The following CCSER1 variants were observed in gnomAD, a reference collection of about 807,000 sequenced individuals.
CCSER1 encodes serine-rich coiled-coil domain-containing protein 1.
Under a neutral mutation model 82.0 loss-of-function variants are expected in CCSER1, and 41 were observed. That is an observed-to-expected ratio of 0.50 (90% CI 0.39 to 0.65). CCSER1 has a LOEUF of 0.65. Among genes scored for constraint, CCSER1 ranks in the 30% least tolerant of loss-of-function variants. The probability of loss-of-function intolerance (pLI) is 0.00; values close to 1 mark genes in which losing one functional copy is unlikely to be tolerated. For missense variants in CCSER1, 1,119 were observed against 1,064.2 expected (o/e 1.05, Z -0.72); for synonymous variants, 414 against 383.9 (o/e 1.08, Z -0.92).
intron 3 of CCSER1, among the ~76,000 whole-genome samples, chr4:90,398,828 A>G (rs1294523676): frequency 5.3e-5 from 8 of 152,138 alleles, no homozygotes; most frequent in Non-Finnish European, 1.0e-4. Context: ...TGCACTATTC[A>G]TGGATCCCAC....
chr4:91,438,816 G>A (rs1032527032), intron 10 of CCSER1, among the ~76,000 whole-genome samples: 6 of 152,168 alleles, frequency 3.9e-5, no homozygotes, highest in African/African-American at 1.2e-4. Flanking sequence ...ACCAAGGCTC[G>A]AGAACTACGT....
At chr4:91,482,140 C>T (rs1392555315) in intron 10 of CCSER1, among the ~76,000 whole-genome samples, 33 of 151,474 alleles carry the variant, frequency 2.2e-4, no homozygotes, top group African/African-American at 6.5e-4. Context: ...CGGTGGCTCA[C>T]GCCTGTAATC....
intron 8 of CCSER1, among the ~76,000 whole-genome samples, chr4:90,898,887 TG>T (rs1418093601): frequency 3.0e-5 from 4 of 135,094 alleles, no homozygotes; most frequent in African/African-American, 5.0e-5. Flanking sequence ...GTACTGTCTC[TG>T]GTTTTGTTTT....
chr4:90,215,807 T>C (rs920998419), intron 1 of CCSER1, among the ~76,000 whole-genome samples: 5 of 152,094 alleles, frequency 3.3e-5, no homozygotes, highest in Admixed American at 2.0e-4. Context: ...GAACCCCAGA[T>C]CTAATCTTTG....
chr4:90,352,944 A>G (rs1743758311), intron 3 of CCSER1, among the ~76,000 whole-genome samples: 1 of 152,072 alleles, frequency 6.6e-6, no homozygotes, highest in Non-Finnish European at 1.5e-5. Flanking sequence ...GTGATTGTTT[A>G]CCCAGTATTG....
chr4:90,979,731 C>G (rs1041042310), intron 9 of CCSER1, among the ~76,000 whole-genome samples: 2 of 151,762 alleles, frequency 1.3e-5, no homozygotes, highest in Non-Finnish European at 2.9e-5. Context: ...GCCATTGGAG[C>G]CTCTATTTGT....
chr4:91,296,479 A>ATT lies in CCSER1; in HGVS notation c.2217+210486_2217+210487insTT, dbSNP rs1553921458. Among the ~76,000 whole-genome samples the ATT allele has an allele frequency of 1.4e-3, 145 of 105,396 alleles. 1 individual carries two copies. Among genetic ancestry groups the ATT allele is most frequent in the African/African-American group, 3.2e-3 (70 of 21,770 alleles). The allele number at this position is 105,396 out of a possible 152,430, so 69.1% of individuals were successfully genotyped here. A position where few individuals can be genotyped will look rare whatever the true frequency, so the allele number is the denominator to read the frequency against. On this transcript the variant is annotated intron_variant, in intron 10 of 10. Coordinates refer to ENST00000509176, the MANE Select transcript of CCSER1 (RefSeq NM_001145065.2). ...TATATATATATATGTATATATATATATATATATTTTAATTAAATATACAGT... is the reference window on the plus strand; with the variant it reads ...TATATATATATATGTATATATATATATTTATATATTTTAATTAAATATACAGT...
At chr4:90,140,726 G>A (rs1219484021) in intron 1 of CCSER1, among the ~76,000 whole-genome samples, 1 of 133,686 alleles carries the variant, frequency 7.5e-6, no homozygotes, top group Non-Finnish European at 1.5e-5. Context: ...GTGCTGTGGT[G>A]CGATCTTGGC....
intron 10 of CCSER1, among the ~76,000 whole-genome samples, chr4:91,333,862 G>A (rs917829678): frequency 2.6e-5 from 4 of 151,910 alleles, no homozygotes; most frequent in Non-Finnish European, 5.9e-5. Context: ...TTTTTGGATT[G>A]ACTTATGTCT....
intron 5 of CCSER1, among the ~76,000 whole-genome samples, chr4:90,536,886 A>T (rs1434995339): frequency 6.6e-6 from 1 of 152,194 alleles, no homozygotes; most frequent in Non-Finnish European, 1.5e-5. Flanking sequence ...AGAATTTCCA[A>T]AGTCCCTAGG....
At chr4:90,286,168 GCCTCT>G (rs1172694546) in intron 1 of CCSER1, among the ~76,000 whole-genome samples, 1 of 151,824 alleles carries the variant, frequency 6.6e-6, no homozygotes, top group East Asian at 1.9e-4. Context: ...TTTGGAAATA[GCCTCT>G]CCTCCTCAAC....
intron 10 of CCSER1, among the ~76,000 whole-genome samples, chr4:91,386,994 C>T (rs963360671): frequency 7.2e-5 from 11 of 151,856 alleles, no homozygotes; most frequent in East Asian, 1.9e-4. Flanking sequence ...ACATAATCCT[C>T]GACAGGATCC....
At chr4:90,451,148 G>A (rs1342005118) in intron 4 of CCSER1, among the ~76,000 whole-genome samples, 1 of 152,112 alleles carries the variant, frequency 6.6e-6, no homozygotes, top group African/African-American at 2.4e-5. Flanking sequence ...TATACCCGCT[G>A]GGTGACAGCT....
chr4:91,345,855 A>G (rs1372284165), intron 10 of CCSER1, among the ~76,000 whole-genome samples: 1 of 152,102 alleles, frequency 6.6e-6, no homozygotes, highest in Non-Finnish European at 1.5e-5. Context: ...CTCATGCCCC[A>G]CAAACTCCTG....
At chr4:90,406,788 T>TAA (rs1173435957) in intron 4 of CCSER1, among the ~76,000 whole-genome samples, 2 of 152,124 alleles carry the variant, frequency 1.3e-5, no homozygotes, top group Non-Finnish European at 2.9e-5. Context: ...AGATGGAACT[T>TAA]AAAAAATTAT....
Position 91,013,825 on chromosome 4 carries a change from G to T in CCSER1, c.2173-72125G>T, listed in dbSNP as rs1307592940. ...TTTAGTAGAGATGGGGTTTTACTGTGTTAGCCAGGATGGTCTGAATCTCCT... is the reference window on the plus strand; with the variant it reads ...TTTAGTAGAGATGGGGTTTTACTGTTTTAGCCAGGATGGTCTGAATCTCCT... On this transcript the variant is annotated intron_variant, in intron 9 of 10. Transcript: ENST00000509176. Among the ~76,000 whole-genome samples the T allele has an allele frequency of 1.6e-5, 2 of 123,468 alleles. 1 individual carries two copies. Among genetic ancestry groups the T allele is most frequent in the Non-Finnish European group, 3.7e-5 (2 of 53,662 alleles). The allele number at this position is 123,468 out of a possible 152,430, so 81.0% of individuals were successfully genotyped here.
intron 10 of CCSER1, among the ~76,000 whole-genome samples, chr4:91,260,219 G>A (rs542402503): frequency 1.3e-5 from 2 of 152,208 alleles, no homozygotes; most frequent in African/African-American, 2.4e-5. Context: ...CACTGATTAA[G>A]CAATAGAAAG....
At chr4:91,066,672 G>T (rs192784905) in intron 9 of CCSER1, among the ~76,000 whole-genome samples, 4 of 152,156 alleles carry the variant, frequency 2.6e-5, no homozygotes, top group South Asian at 2.1e-4. Flanking sequence ...CAACTAGCTG[G>T]GAAGTCTTCA....
At chr4:90,580,928 T>G (rs78846742) in intron 5 of CCSER1, among the ~76,000 whole-genome samples, 2,982 of 152,236 alleles carry the variant, frequency 0.02, 94 homozygotes, top group African/African-American at 0.069. Context: ...AATTGAGTTT[T>G]GATTAATTGT....
Sources: allele counts gnomAD v4.1 joint callset (sites outside exome capture counted in the v4.1 genomes callset), GRCh38; gene constraint gnomAD v4.1.1; transcripts MANE v1.5; gene names NCBI Gene and HGNC (gene_info 2026-07-23, HGNC 2026-07-21).